STARD13: variants seen among roughly 807,000 people sequenced by gnomAD.
STARD13 encodes stAR-related lipid transfer protein 13.
STARD13 carries 62 observed loss-of-function variants against 106.4 expected under a neutral mutation model. That is an observed-to-expected ratio of 0.58 (90% CI 0.48 to 0.72). The LOEUF (loss-of-function observed/expected upper bound fraction) is 0.72, where lower values mean the gene tolerates loss of function less well. STARD13 is among the 30% of genes least tolerant of loss of function. The pLI is 0.00. For missense variants in STARD13, 1,387 were observed against 1,424.0 expected (o/e 0.97, Z 0.42); for synonymous variants, 565 against 553.0 (o/e 1.02, Z -0.31).
chr13:33,197,338 G>T (rs774194936), intron 1 of STARD13, among the ~76,000 whole-genome samples: 3 of 152,136 alleles, frequency 2.0e-5, no homozygotes, highest in Non-Finnish European at 4.4e-5. Context: ...TCTATAGACA[G>T]ATTTAGGCAG....
the STARD13 span, among the ~76,000 whole-genome samples, chr13:33,650,486 G>T: frequency 6.6e-6 from 1 of 151,936 alleles, no homozygotes; most frequent in African/African-American, 2.4e-5. Context: ...CACCGCGCCC[G>T]GCCGACTCCA....
At chr13:33,289,730 G>T (rs900091491), upstream of STARD13, among the ~76,000 whole-genome samples, 3 of 152,098 alleles carry the variant, frequency 2.0e-5, no homozygotes, top group African/African-American at 7.2e-5. Context: ...AAAATCCCGT[G>T]GTGATTGAGA....
At chr13:33,245,271 A>C (rs114322994) in intron 1 of STARD13, among the ~76,000 whole-genome samples, 2,532 of 152,354 alleles carry the variant, frequency 0.017, 81 homozygotes, top group African/African-American at 0.057. Flanking sequence ...TTGTCCTAAG[A>C]CATGACACTG....
At chr13:33,593,400 G>A in the STARD13 span, among the ~76,000 whole-genome samples, 1 of 152,056 alleles carries the variant, frequency 6.6e-6, no homozygotes, top group Admixed American at 6.5e-5. Context: ...GTCCAGGCTG[G>A]TCTCAAACTC....
At chr13:33,603,121 C>G in the STARD13 span, among the ~76,000 whole-genome samples, 1 of 152,154 alleles carries the variant, frequency 6.6e-6, no homozygotes. Flanking sequence ...CACCAGATCA[C>G]CACATCCAGA....
At chr13:33,322,114 A>G (rs1218919138) in intron 1 of STARD13, among the ~76,000 whole-genome samples, 1 of 152,248 alleles carries the variant, frequency 6.6e-6, no homozygotes, top group Non-Finnish European at 1.5e-5. Context: ...GCATATATGT[A>G]ACTGCTAACA....
chr13:33,209,427 G>A (rs1887592298), intron 1 of STARD13, among the ~76,000 whole-genome samples: 1 of 151,206 alleles, frequency 6.6e-6, no homozygotes, highest in Admixed American at 6.6e-5. Context: ...AAAGCAAAAA[G>A]CATGATGTCT....
intron 1 of STARD13, among the ~76,000 whole-genome samples, chr13:33,270,452 T>C (rs7330870): frequency 0.37 from 55,496 of 152,018 alleles, 10,443 homozygotes; most frequent in African/African-American, 0.43. Flanking sequence ...TCAGGCACTC[T>C]AGAACTGAGC....
At chr13:33,605,255 A>AAG in the STARD13 span, among the ~76,000 whole-genome samples, 1 of 151,006 alleles carries the variant, frequency 6.6e-6, no homozygotes, top group East Asian at 1.9e-4. Flanking sequence ...AAAAAAAAAA[A>AAG]AGAAGAAAAA....
chr13:33,333,221 C>G (rs1240168288), intron 1 of STARD13, among the ~76,000 whole-genome samples: 1 of 151,972 alleles, frequency 6.6e-6, no homozygotes, highest in Non-Finnish European at 1.5e-5. Flanking sequence ...GAAACCCCAT[C>G]TCTACTAAAA....
At chr13:33,529,561 T>A in the STARD13 span, among the ~76,000 whole-genome samples, 3 of 152,218 alleles carry the variant, frequency 2.0e-5, no homozygotes, top group Admixed American at 6.5e-5. Flanking sequence ...GAAACAAAAA[T>A]AAATATAACA....
intron 1 of STARD13, among the ~76,000 whole-genome samples, chr13:33,309,763 G>T (rs566512737): frequency 1.3e-5 from 2 of 152,318 alleles, no homozygotes; most frequent in African/African-American, 4.8e-5. Context: ...AAAGACAGCA[G>T]GAAATACTGA....
the STARD13 span, among the ~76,000 whole-genome samples, chr13:33,384,540 A>C: frequency 6.6e-6 from 1 of 152,232 alleles, no homozygotes; most frequent in African/African-American, 2.4e-5. Flanking sequence ...GCAGTTATGT[A>C]CTGTAGCACA....
At chr13:33,604,429 A>C in the STARD13 span, among the ~76,000 whole-genome samples, 6 of 152,218 alleles carry the variant, frequency 3.9e-5, no homozygotes, top group Non-Finnish European at 5.9e-5. Flanking sequence ...AGAAAGAAAA[A>C]GAACAAATAT....
At chr13:33,602,822 T>C in the STARD13 span, among the ~76,000 whole-genome samples, 1 of 152,284 alleles carries the variant, frequency 6.6e-6, no homozygotes, top group Admixed American at 6.5e-5. Flanking sequence ...GTGTGCTCCT[T>C]ATGAGAATCT....
chr13:33,289,716 G>A (rs1434618311), upstream of STARD13, among the ~76,000 whole-genome samples: 4 of 152,198 alleles, frequency 2.6e-5, no homozygotes, highest in South Asian at 2.1e-4. Context: ...GGTATGGGGC[G>A]GCTAAAATCC....
intron 1 of STARD13, among the ~76,000 whole-genome samples, chr13:33,189,803 C>T (rs1886110868): frequency 6.6e-6 from 1 of 151,928 alleles, no homozygotes; most frequent in African/African-American, 2.4e-5. Context: ...CTGTGTTCAT[C>T]CTTGCCCGGG....
the STARD13 span, among the ~76,000 whole-genome samples, chr13:33,436,331 G>C: frequency 6.6e-6 from 1 of 152,144 alleles, no homozygotes; most frequent in Non-Finnish European, 1.5e-5. Context: ...ATCAATGTGA[G>C]ATTCAAATAT....
chr13:33,563,796 A>G, the STARD13 span, among the ~76,000 whole-genome samples: 1 of 147,678 alleles, frequency 6.8e-6, no homozygotes, highest in Non-Finnish European at 1.5e-5. Context: ...AACCTACAGA[A>G]TGAGAGAAAA....
Sources: allele counts gnomAD v4.1 joint callset (sites outside exome capture counted in the v4.1 genomes callset), GRCh38; gene constraint gnomAD v4.1.1; transcripts MANE v1.5; gene names NCBI Gene and HGNC (gene_info 2026-07-23, HGNC 2026-07-21).